The following CAMK2D variants were observed in gnomAD, a reference collection of about 807,000 sequenced individuals.
CAMK2D encodes calcium/calmodulin dependent protein kinase II delta.
CAMK2D carries 37 observed loss-of-function variants against 84.0 expected under a neutral mutation model. The ratio of observed to expected loss-of-function variants is 0.44; its 90% CI spans 0.34 to 0.58. The LOEUF (loss-of-function observed/expected upper bound fraction) is 0.58. Ranked by LOEUF, CAMK2D falls within the 20% of genes least tolerant of loss-of-function variation. The pLI, the probability that CAMK2D is intolerant of heterozygous loss-of-function variation, is 0.02. For missense variants in CAMK2D, 448 were observed against 652.5 expected (o/e 0.69, Z 3.41); for synonymous variants, 202 against 212.5 (o/e 0.95, Z 0.43).
At chr4:113,755,093 G>C in intron 2 of CAMK2D, 1 of 983,594 alleles carries the variant, frequency 1.0e-6, no homozygotes, top group Non-Finnish European at 1.2e-6. Context: ...TTGACTGCCT[G>C]GAAGCCAAAA....
chr4:113,460,091 G>A (rs1242210693), intron 18 of CAMK2D, 56 bp downstream of exon 18: 5 of 1,006,042 alleles, frequency 5.0e-6, no homozygotes, highest in South Asian at 1.3e-5. Context: ...CTGCAAATTT[G>A]GGAAAATTCA....
In CAMK2D at chr4:113,504,964, G is replaced by T; in HGVS notation, c.1044+12C>A. The T allele has an allele frequency of 6.6e-7, 1 of 1,517,804 alleles. No individual in the cohort carries two copies. Among genetic ancestry groups the T allele is most frequent in the Non-Finnish European group, 8.9e-7 (1 of 1,129,488 alleles). The allele number at this position is 1,517,804 out of a possible 1,614,324, so 94.0% of individuals were successfully genotyped here. A position where few individuals can be genotyped will look rare whatever the true frequency, so the allele number is the denominator to read the frequency against. On this transcript the variant is annotated intron_variant, in intron 14 of 20. Coordinates refer to ENST00000511664, the MANE Select transcript of CAMK2D (RefSeq NM_001321571.2). ...AAGAACTTAAGAAGGGTTACAAAGA[G>T]TCCAGGTATACCAGCGCTGGGGTAG... is the stretch of plus-strand genomic sequence containing the variant.
At chr4:113,598,993 T>C (rs185655315) in intron 4 of CAMK2D, among the ~76,000 whole-genome samples, 2 of 152,140 alleles carry the variant, frequency 1.3e-5, no homozygotes, top group Admixed American at 6.5e-5. Flanking sequence ...AATAAAAAAA[T>C]GGATGAAAAA....
intron 16 of CAMK2D, among the ~76,000 whole-genome samples, chr4:113,487,567 TAAAG>T (rs2097777746): frequency 6.6e-6 from 1 of 152,072 alleles, no homozygotes; most frequent in East Asian, 1.9e-4. Context: ...TTTTAGATAT[TAAAG>T]AAATTTTGTA....
intron 2 of CAMK2D, among the ~76,000 whole-genome samples, chr4:113,712,881 A>G (rs969994776): frequency 6.6e-6 from 1 of 152,008 alleles, no homozygotes; most frequent in Non-Finnish European, 1.5e-5. Context: ...ATGCATAGGT[A>G]TAAGTCCCAT....
At position 113,581,531 on chromosome 4, in the gene CAMK2D, AAAG is replaced by A. The variant is rs1268105180; in HGVS notation, c.275+27618_275+27620del. Among the ~76,000 whole-genome samples, 299 of 141,376 alleles carry A rather than the reference AAAG, an allele frequency of 2.1e-3. 3 individuals carry two copies. The highest frequency in any genetic ancestry group is 7.1e-3 in the African/African-American group (279 of 39,094). The allele number at this position is 141,376 out of a possible 152,430, so 92.7% of individuals were successfully genotyped here. On this transcript the variant is annotated intron_variant, in intron 4 of 20. Transcript: ENST00000511664. ...TTTCTCATAAAAAAAAAAAAAAAAAAAAGAAAAGAAAAGAAAAGAAAAAGACCA... is the reference window on the plus strand; with the variant it reads ...TTTCTCATAAAAAAAAAAAAAAAAAAAAAAGAAAAGAAAAGAAAAAGACCA...
chr4:113,624,178 T>C (rs2099058164), intron 3 of CAMK2D, among the ~76,000 whole-genome samples: 2 of 152,334 alleles, frequency 1.3e-5, no homozygotes, highest in Admixed American at 6.5e-5. Context: ...TCAGTCAATC[T>C]TGAATAAGTT....
At chr4:113,540,597 T>A (rs1185661423) in intron 6 of CAMK2D, among the ~76,000 whole-genome samples, 1 of 152,166 alleles carries the variant, frequency 6.6e-6, no homozygotes, top group Non-Finnish European at 1.5e-5. Flanking sequence ...AGTTCCTTAA[T>A]CTCTCAAATG....
chr4:113,522,478 G>A (rs1206347697), intron 8 of CAMK2D, among the ~76,000 whole-genome samples: 1 of 152,056 alleles, frequency 6.6e-6, no homozygotes, highest in Non-Finnish European at 1.5e-5. Flanking sequence ...GGCCAATGAA[G>A]GGCAGAACAA....
At chr4:113,587,749 T>G (rs1485928511) in intron 4 of CAMK2D, among the ~76,000 whole-genome samples, 1 of 152,170 alleles carries the variant, frequency 6.6e-6, no homozygotes, top group African/African-American at 2.4e-5. Flanking sequence ...GGCCTAAATT[T>G]TAAAGGTCTA....
chr4:113,563,092 A>G (rs2154212885), intron 4 of CAMK2D, among the ~76,000 whole-genome samples: 3 of 152,136 alleles, frequency 2.0e-5, no homozygotes, highest in East Asian at 3.9e-4. Flanking sequence ...TGTCTCTACT[A>G]AAAATACAAA....
chr4:113,707,937 T>C (rs747121011), intron 2 of CAMK2D, among the ~76,000 whole-genome samples: 6 of 152,200 alleles, frequency 3.9e-5, no homozygotes, highest in Non-Finnish European at 8.8e-5. Flanking sequence ...CAGTTGTTAG[T>C]TCCCTTCCAT....
At chr4:113,543,873 G>T (rs1472619436) in intron 6 of CAMK2D, among the ~76,000 whole-genome samples, 1 of 151,830 alleles carries the variant, frequency 6.6e-6, no homozygotes, top group East Asian at 1.9e-4. Context: ...CTCACTGCAA[G>T]CTCCGCCTCC....
intron 8 of CAMK2D, among the ~76,000 whole-genome samples, chr4:113,524,156 G>A (rs2098398255): frequency 6.6e-6 from 1 of 152,144 alleles, no homozygotes; most frequent in African/African-American, 2.4e-5. Context: ...ACAGGCATCA[G>A]CCACCATGTC....
intron 16 of CAMK2D, among the ~76,000 whole-genome samples, chr4:113,475,920 A>G (rs1354504116): frequency 6.6e-6 from 1 of 152,244 alleles, no homozygotes; most frequent in Non-Finnish European, 1.5e-5. Context: ...AGTGGGAAGA[A>G]GAAAGGCCAA....
chr4:113,560,233 T>G (rs1347414805), intron 4 of CAMK2D, among the ~76,000 whole-genome samples: 1 of 140,474 alleles, frequency 7.1e-6, no homozygotes, highest in Non-Finnish European at 1.5e-5. Context: ...CTCACAGCAT[T>G]TTTTTTTTTT....
At chr4:113,650,701 A>G (rs2099169207) in intron 3 of CAMK2D, among the ~76,000 whole-genome samples, 1 of 152,206 alleles carries the variant, frequency 6.6e-6, no homozygotes, top group South Asian at 2.1e-4. Flanking sequence ...AAAATAGATA[A>G]GACAAAGCAT....
intron 3 of CAMK2D, among the ~76,000 whole-genome samples, chr4:113,630,362 C>A (rs17046306): frequency 6.6e-6 from 1 of 152,100 alleles, no homozygotes; most frequent in African/African-American, 2.4e-5. Context: ...TGGGGTTATG[C>A]GGTCTTTGAG....
chr4:113,579,614 C>T (rs2098799072), intron 4 of CAMK2D, among the ~76,000 whole-genome samples: 1 of 152,178 alleles, frequency 6.6e-6, no homozygotes, highest in Non-Finnish European at 1.5e-5. Context: ...TGCCTGCTCT[C>T]CCTTCACCTT....
Sources: allele counts gnomAD v4.1 joint callset (sites outside exome capture counted in the v4.1 genomes callset), GRCh38; gene constraint gnomAD v4.1.1; transcripts MANE v1.5; gene names NCBI Gene and HGNC (gene_info 2026-07-23, HGNC 2026-07-21).